SPTBN5: variants seen among roughly 807,000 people sequenced by gnomAD.
SPTBN5 encodes the protein spectrin beta chain, non-erythrocytic 5.
SPTBN5 carries 513 observed loss-of-function variants against 477.6 expected under a neutral mutation model. The ratio of observed to expected loss-of-function variants is 1.07; its 90% CI spans 1.00 to 1.16. The LOEUF is 1.16. Among genes scored for constraint, SPTBN5 ranks in the 50% most tolerant of loss-of-function variants. The probability of loss-of-function intolerance (pLI) is 0.00; values close to 1 mark genes in which losing one functional copy is unlikely to be tolerated. For missense variants in SPTBN5, 5,062 were observed against 4,731.8 expected, an observed-to-expected ratio of 1.07 and a Z score of -2.05; for synonymous variants, 2,169 against 2,011.7, an observed-to-expected ratio of 1.08 and a Z score of -2.09.
Position 41,885,959 on chromosome 15 carries a change from C to A in SPTBN5, c.1296G>T (p.Gln432His). The A allele has an allele frequency of 6.4e-7, 1 of 1,551,842 alleles. No homozygotes were observed. The highest frequency in any genetic ancestry group is 8.7e-7 in the Non-Finnish European group (1 of 1,149,252). ...QRLETLARRFQHKAALRESFL... is the reference protein window; with the variant it reads ...QRLETLARRFHHKAALRESFL... Reference sequence around the variant, plus strand: ...AACTCTCCCGGAGGGCTGCCTTGTGCTGGAAGCGCCGGGCCAGGGTTTCTA... The same window carrying A: ...AACTCTCCCGGAGGGCTGCCTTGTGATGGAAGCGCCGGGCCAGGGTTTCTA... Residue 432 changes from glutamine (Q) to histidine (H), a missense_variant, in exon 7 of 68, where the codon CAG (glutamine) becomes CAT (histidine). Transcript: ENST00000320955.
rs368565959 is a variant in SPTBN5, at chr15:41,850,011, C to T, written c.10922-52G>A. The T allele has an allele frequency of 3.2e-4, 464 of 1,457,672 alleles. 1 individual carries two copies. The highest frequency in any genetic ancestry group is 4.5e-4 in the Admixed American group (23 of 51,056). The allele number at this position is 1,457,672 out of a possible 1,614,324, so 90.3% of individuals were successfully genotyped here. ...TAGCCCGGCCCAGACCATCTGCAGG[C>T]GCCAGGTCTGGCTGCTCCTTCCTCC... On this transcript the variant is annotated intron_variant, in intron 66 of 67. Transcript: ENST00000320955.
chr15:41,892,594 G>A (rs1222656510), intron 3 of SPTBN5, among the ~76,000 whole-genome samples: 1 of 152,208 alleles, frequency 6.6e-6, no homozygotes, highest in Non-Finnish European at 1.5e-5. Context: ...CTAAGAGAAC[G>A]CTAAGATTCT....
At position 41,854,865 on chromosome 15, in the gene SPTBN5, G is replaced by T. The variant is rs749433637; in HGVS notation, c.9535C>A (p.Arg3179Ser). The change falls in exon 56 of 68, where the codon CGC becomes AGC. Residue 3179 changes from arginine (R) to serine (S), a missense_variant. By Grantham distance (110) the Arg-to-Ser change is moderately radical. Coordinates refer to ENST00000320955, the MANE Select transcript of SPTBN5 (RefSeq NM_016642.4). ...AGTLERGAPR[R>S]YPHIQAQRSR... ...CTCTGGGCTTGGATGTGGGGATAGC[G>T]CCTGGGTGCACCCCGCTCCAGGGTG... 6.2e-7 allele frequency: 1 copy of T among 1,609,386 alleles called. No individual in the cohort carries two copies. Among genetic ancestry groups the T allele is most frequent in the African/African-American group, 1.3e-5 (1 of 74,744 alleles).
chr15:41,856,202 C>T (rs376778523), intron 53 of SPTBN5, among the ~76,000 whole-genome samples, 184 bp downstream of exon 53: 1 of 152,238 alleles, frequency 6.6e-6, no homozygotes, highest in East Asian at 1.9e-4. Flanking sequence ...GGAAAAAAGA[C>T]AAAAGCCAAC....
intron 3 of SPTBN5, among the ~76,000 whole-genome samples, chr15:41,890,735 G>A (rs942375212): frequency 6.6e-6 from 1 of 152,220 alleles, no homozygotes; most frequent in Non-Finnish European, 1.5e-5. Context: ...ACTGTCTTGG[G>A]CCAGAGCCTG....
chr15:41,870,168 A>C, intron 31 of SPTBN5, 75 bp downstream of exon 31: 3 of 1,493,528 alleles, frequency 2.0e-6, no homozygotes, highest in Non-Finnish European at 2.7e-6. Flanking sequence ...GACAGTGGAA[A>C]ATCTAGAGGA....
At position 41,856,613 on chromosome 15, in the gene SPTBN5, G is replaced by A. The variant is rs1431890940; in HGVS notation, c.8809-15C>T. On this transcript the variant is annotated splice_polypyrimidine_tract_variant and intron_variant, in intron 52 of 67. Coordinates refer to ENST00000320955, the MANE Select transcript of SPTBN5 (RefSeq NM_016642.4). ...CTCTCCAGGTTCTGCGGGGGAGGAGGCAGGAGGATGCGGATGTTGCTGACC... is the reference window on the plus strand; with the variant it reads ...CTCTCCAGGTTCTGCGGGGGAGGAGACAGGAGGATGCGGATGTTGCTGACC... 3 of 1,558,946 alleles carry A rather than the reference G, an allele frequency of 1.9e-6. No homozygotes were observed. Among genetic ancestry groups the A allele is most frequent in the Non-Finnish European group, 2.6e-6 (3 of 1,158,464 alleles).
In SPTBN5 at chr15:41,876,878, C is replaced by T. The variant is rs368577118; in HGVS notation, c.3782G>A (p.Gly1261Glu). Residue 1261 changes from glycine to glutamate, a missense_variant, in exon 19 of 68, where the codon GGG (glycine) becomes GAG (glutamate). Gly to Glu is a moderately conservative substitution (Grantham distance 98). Coordinates refer to ENST00000320955, the MANE Select transcript of SPTBN5 (RefSeq NM_016642.4). ...TGCCCGCAGAGCCTCTGCCCGAGGC[C>T]CCAGGGTGCTCAGGAGCCGCCCAAA... ...REFGRLLSTL[G>E]PRAEALRAHG... The T allele has an allele frequency of 2.7e-5, 43 of 1,610,558 alleles. No individual in the cohort carries two copies. In the African/African-American group the frequency reaches 5.3e-4, roughly 20 times the overall value.
chr15:41,849,779 G>T, intron 67 of SPTBN5, 90 bp downstream of exon 67: 1 of 1,015,586 alleles, frequency 9.8e-7, no homozygotes, highest in Non-Finnish European at 1.5e-6. Flanking sequence ...GTAAGTCTGA[G>T]GCCCAGAACC....
At position 41,863,693 on chromosome 15, in the gene SPTBN5, C is replaced by A. The variant is rs773631512; in HGVS notation, c.7149+11G>T. The stretch of plus-strand genomic sequence containing the variant: ...TCACAGCCCCCACCGGGACCTCTTT[C>A]CACCACGTACCTTCTCCTGAATCCT... On this transcript the variant is annotated intron_variant, in intron 41 of 67. Coordinates refer to ENST00000320955, the MANE Select transcript of SPTBN5 (RefSeq NM_016642.4). 1 of 1,609,294 alleles carries A rather than the reference C, an allele frequency of 6.2e-7. No individual in the cohort carries two copies. The highest frequency in any genetic ancestry group is 8.5e-7 in the Non-Finnish European group (1 of 1,176,478).
intron 4 of SPTBN5, 115 bp from the exon 5 acceptor site, chr15:41,888,200 G>A (rs879719519): frequency 1.6e-4 from 171 of 1,079,102 alleles, no homozygotes; most frequent in Non-Finnish European, 2.2e-4. Context: ...TCCCTGGCCC[G>A]GGGCCAGTGT....
rs1413469892 is a variant in SPTBN5, at chr15:41,857,715, A to T, written c.8227-5T>A. ...CTGCAGCAGCCTCTGTCCCTCCTGC[A>T]GCCACAACATGAAACACACCTTGTG... On this transcript the variant is annotated splice_polypyrimidine_tract_variant and splice_region_variant and intron_variant, in intron 49 of 67. Transcript: ENST00000320955. 1.9e-6 allele frequency: 3 copies of T among 1,566,702 alleles called. No individual in the cohort carries two copies. The East Asian group carries it at 7.0e-5, about 37-fold the overall frequency.
intron 46 of SPTBN5, 101 bp downstream of exon 46, chr15:41,861,318 G>T (rs1430985554): frequency 9.5e-7 from 1 of 1,053,418 alleles, no homozygotes; most frequent in East Asian, 2.4e-5. Context: ...CCCCGAAGGG[G>T]AGGATCCCTG....
rs572849503 is a variant in SPTBN5, at chr15:41,871,240, C to T, written c.5447+135G>A. 7.8e-5 allele frequency: 83 copies of T among 1,057,870 alleles called. No individual in the cohort carries two copies. In the African/African-American group the frequency reaches 1.2e-3, roughly 15 times the overall value. The allele number at this position is 1,057,870 out of a possible 1,614,324, so 65.5% of individuals were successfully genotyped here. Reference sequence around the variant, plus strand: ...CGGGCTCAGCTTCTCTGGAGCTAGGCCCCCTGCAGAGCCCCGTGGGCAGCC... The same window carrying T: ...CGGGCTCAGCTTCTCTGGAGCTAGGTCCCCTGCAGAGCCCCGTGGGCAGCC... On this transcript the variant is annotated intron_variant, in intron 29 of 67. Coordinates refer to ENST00000320955, the MANE Select transcript of SPTBN5 (RefSeq NM_016642.4).
At chr15:41,872,496 G>A (rs527715251) in intron 26 of SPTBN5, 37 bp from the exon 27 acceptor site, 1 of 1,535,002 alleles carries the variant, frequency 6.5e-7, no homozygotes, top group Non-Finnish European at 8.8e-7. Flanking sequence ...GCTCAGCCTG[G>A]GTGACTCATC....
intron 56 of SPTBN5, 64 bp downstream of exon 56, chr15:41,854,718 G>A (rs555088181): frequency 2.9e-6 from 4 of 1,385,572 alleles, no homozygotes; most frequent in Admixed American, 2.6e-5. Flanking sequence ...TGGTAAGGAG[G>A]GCTTAGAGGG....
intron 6 of SPTBN5, among the ~76,000 whole-genome samples, chr15:41,886,596 C>G (rs1161476590): frequency 6.6e-6 from 1 of 152,226 alleles, no homozygotes; most frequent in Admixed American, 6.5e-5. Flanking sequence ...ATCCTGCCTT[C>G]TTCCTCTTGT....
intron 61 of SPTBN5, 129 bp downstream of exon 61, chr15:41,852,505 G>A: frequency 1.5e-6 from 2 of 1,308,462 alleles, no homozygotes; most frequent in South Asian, 1.3e-5. Flanking sequence ...CACCACCGCA[G>A]CTGGCCAGGG....
In SPTBN5 at chr15:41,881,988, C is replaced by CGCAGCTCG; in HGVS notation, c.2397_2404dup (p.Arg802ProfsTer22). 6.5e-7 allele frequency: 1 copy of CGCAGCTCG among 1,537,684 alleles called. No individual in the cohort carries two copies. The highest frequency in any genetic ancestry group is 1.2e-5 in the South Asian group (1 of 84,436). On this transcript the variant is annotated frameshift_variant, in exon 12 of 68. Coordinates refer to ENST00000320955, the MANE Select transcript of SPTBN5 (RefSeq NM_016642.4). LOFTEE classifies it high-confidence loss of function. ...CGCCCGCCCCTGCTCCTCCAGCCGC[C>CGCAGCTCG]GCAGCTCGGCCGCGAAGGCGCGCAG...
Sources: gnomAD v4.1 joint callset for allele counts (sites outside exome capture counted in the v4.1 genomes callset) on GRCh38, gnomAD v4.1.1 for gene constraint, MANE v1.5 for transcripts, NCBI Gene and HGNC (gene_info 2026-07-23, HGNC 2026-07-21) for gene names.